Variants in SLC49A4 observed in about 807,000 individuals in gnomAD.
SLC49A4 encodes the protein disrupted in renal cancer protein 2.
SLC49A4 carries 36 observed loss-of-function variants against 50.6 expected under a neutral mutation model. The observed-to-expected ratio is 0.71, with a 90% CI of 0.55 to 0.94. The LOEUF is 0.94. SLC49A4 is among the 40% of genes least tolerant of loss of function. SLC49A4 has a pLI of 0.00. For synonymous variants in SLC49A4, 248 were observed against 241.2 expected (o/e 1.03, Z -0.26); for missense variants, 503 against 605.7 (o/e 0.83, Z 1.78).
At chr3:122,864,856 A>G (rs1165029514) in intron 7 of SLC49A4, among the ~76,000 whole-genome samples, 1 of 152,184 alleles carries the variant, frequency 6.6e-6, no homozygotes, top group Non-Finnish European at 1.5e-5. Flanking sequence ...CCTACAAAAA[A>G]TAAAAAAATT....
chr3:122,832,022 A>C (rs1936615518), intron 3 of SLC49A4, among the ~76,000 whole-genome samples: 1 of 152,138 alleles, frequency 6.6e-6, no homozygotes, highest in African/African-American at 2.4e-5. Flanking sequence ...GTTTAAAAAA[A>C]TAGGAATCTT....
At chr3:122,808,711 C>T (rs752918509) in intron 2 of SLC49A4, among the ~76,000 whole-genome samples, 1 of 152,080 alleles carries the variant, frequency 6.6e-6, no homozygotes, top group Non-Finnish European at 1.5e-5. Context: ...TGGACTGAAG[C>T]TTGAGGTCAT....
At chr3:122,857,284 T>TA (rs10694942) in intron 6 of SLC49A4, among the ~76,000 whole-genome samples, 20,182 of 109,378 alleles carry the variant, frequency 0.18, 2,068 homozygotes, top group African/African-American at 0.26. Flanking sequence ...CCATTCGTTC[T>TA]AAAAAAAAAA....
chr3:122,870,699 C>T (rs1937185259), intron 7 of SLC49A4, among the ~76,000 whole-genome samples: 1 of 151,502 alleles, frequency 6.6e-6, no homozygotes, highest in African/African-American at 2.4e-5. Flanking sequence ...TGTAATCCCA[C>T]ATGCTCAGGA....
intron 7 of SLC49A4, among the ~76,000 whole-genome samples, chr3:122,864,108 A>G (rs1046726799): frequency 2.6e-5 from 4 of 152,228 alleles, no homozygotes; most frequent in Non-Finnish European, 5.9e-5. Context: ...TGGTTGTGAT[A>G]TTATTGTTAC....
At chr3:122,859,169 A>G (rs1937026958) in intron 6 of SLC49A4, among the ~76,000 whole-genome samples, 1 of 152,204 alleles carries the variant, frequency 6.6e-6, no homozygotes, top group Non-Finnish European at 1.5e-5. Context: ...TGTTGAACTG[A>G]GACCTGAATG....
intron 1 of SLC49A4, among the ~76,000 whole-genome samples, chr3:122,804,401 C>T (rs551443514): frequency 6.6e-6 from 1 of 152,310 alleles, no homozygotes; most frequent in Non-Finnish European, 1.5e-5. Context: ...CAACGTGAGA[C>T]CTGAGTGGGG....
At chr3:122,865,976 TA>T (rs1937113846) in intron 7 of SLC49A4, among the ~76,000 whole-genome samples, 1 of 152,194 alleles carries the variant, frequency 6.6e-6, no homozygotes, top group Non-Finnish European at 1.5e-5. Context: ...TATTTCTTCA[TA>T]AAACTGTAAA....
intron 7 of SLC49A4, among the ~76,000 whole-genome samples, chr3:122,868,572 A>G (rs984270817): frequency 2.0e-5 from 3 of 152,240 alleles, no homozygotes; most frequent in Non-Finnish European, 4.4e-5. Flanking sequence ...ATGGAAGTCA[A>G]ATTCAGACTT....
At chr3:122,817,782 A>T (rs188433533) in intron 2 of SLC49A4, among the ~76,000 whole-genome samples, 6,922 of 109,306 alleles carry the variant, frequency 0.063, 258 homozygotes, top group Middle Eastern at 0.17. Flanking sequence ...TTTTGTAGAG[A>T]CAGGGTTTCA....
intron 5 of SLC49A4, among the ~76,000 whole-genome samples, chr3:122,855,367 G>A (rs1186736575): frequency 1.3e-5 from 2 of 152,190 alleles, no homozygotes; most frequent in Non-Finnish European, 2.9e-5. Context: ...GTGGTCATGG[G>A]AAGGAGAAAG....
At chr3:122,855,022 G>C (rs1936967216) in intron 5 of SLC49A4, among the ~76,000 whole-genome samples, 1 of 152,092 alleles carries the variant, frequency 6.6e-6, no homozygotes, top group Non-Finnish European at 1.5e-5. Context: ...AAACCCGGGA[G>C]GCGGAGCTTA....
At chr3:122,801,788 A>G (rs1936137469) in intron 1 of SLC49A4, among the ~76,000 whole-genome samples, 1 of 152,178 alleles carries the variant, frequency 6.6e-6, no homozygotes, top group African/African-American at 2.4e-5. Context: ...AGTTTATGAA[A>G]GGAGTAGTGT....
chr3:122,837,406 G>A (rs1422435834), intron 4 of SLC49A4, among the ~76,000 whole-genome samples: 15 of 151,960 alleles, frequency 9.9e-5, no homozygotes, highest in East Asian at 1.9e-4. Context: ...AAATAATGCC[G>A]CATATCTACA....
At chr3:122,867,607 GATAGA>G (rs1298111783) in intron 7 of SLC49A4, among the ~76,000 whole-genome samples, 1 of 152,186 alleles carries the variant, frequency 6.6e-6, no homozygotes. Context: ...GTTAGATGTT[GATAGA>G]ATAGTTCTTA....
chr3:122,856,624 G>A (rs888590996), intron 6 of SLC49A4, among the ~76,000 whole-genome samples: 2 of 152,022 alleles, frequency 1.3e-5, no homozygotes, highest in Admixed American at 1.3e-4. Context: ...ATTACCTGAG[G>A]TCAGGAGTTC....
At chr3:122,804,105 C>A (rs1553760140) in intron 1 of SLC49A4, among the ~76,000 whole-genome samples, 1 of 152,126 alleles carries the variant, frequency 6.6e-6, no homozygotes, top group Non-Finnish European at 1.5e-5. Context: ...TTACAGGAAA[C>A]ATGGTGCTGG....
At chr3:122,870,812 T>TCAA (rs1212301516) in intron 7 of SLC49A4, among the ~76,000 whole-genome samples, 104 of 135,660 alleles carry the variant, frequency 7.7e-4, no homozygotes, top group African/African-American at 2.3e-3. Context: ...AGACTCCATC[T>TCAA]CAACAATAAT....
chr3:122,873,380 G>T (rs1576313367), intron 8 of SLC49A4, among the ~76,000 whole-genome samples: 1 of 152,034 alleles, frequency 6.6e-6, no homozygotes, highest in East Asian at 1.9e-4. Flanking sequence ...GGGTTTCACT[G>T]TGTTGGCCAG....
Sources: allele counts gnomAD v4.1 joint callset (sites outside exome capture counted in the v4.1 genomes callset), GRCh38; gene constraint gnomAD v4.1.1; transcripts MANE v1.5; gene names NCBI Gene and HGNC (gene_info 2026-07-23, HGNC 2026-07-21).